Variants in ABR observed in about 807,000 individuals in gnomAD.
The protein encoded by ABR is active breakpoint cluster region-related protein.
In ABR, 35 loss-of-function variants were observed where a neutral mutation model predicts 107.2. That is an observed-to-expected ratio of 0.33 (90% CI 0.25 to 0.43). The LOEUF is 0.43. ABR is among the 20% of genes least tolerant of loss of function. ABR has a pLI of 1.00. For missense variants in ABR, 815 were observed against 1,115.2 expected (o/e 0.73, Z 3.83); for synonymous variants, 498 against 462.0 (o/e 1.08, Z -1.00).
At chr17:1,186,212 G>GTC (rs1468969740) in intron 1 of ABR, among the ~76,000 whole-genome samples, 1 of 152,192 alleles carries the variant, frequency 6.6e-6, no homozygotes, top group African/African-American at 2.4e-5. Flanking sequence ...CCTCCACAGT[G>GTC]TCACCTGTAA....
At chr17:1,123,949 A>C in intron 2 of ABR, among the ~76,000 whole-genome samples, 1 of 151,736 alleles carries the variant, frequency 6.6e-6, no homozygotes, top group Non-Finnish European at 1.5e-5. Flanking sequence ...ACACTGACCA[A>C]CCCCCTCGCC....
chr17:1,048,521 C>T (rs908064682), intron 16 of ABR, among the ~76,000 whole-genome samples: 36 of 152,222 alleles, frequency 2.4e-4, no homozygotes, highest in Non-Finnish European at 1.0e-4. Context: ...GCCATCGCAG[C>T]CTGCGCCTGG....
chr17:1,109,500 G>C (rs1028417272), intron 2 of ABR, among the ~76,000 whole-genome samples: 1 of 152,042 alleles, frequency 6.6e-6, no homozygotes, highest in Non-Finnish European at 1.5e-5. Context: ...CGCGGCTGGC[G>C]GAGGCTTCTG....
At chr17:1,171,835 CAGG>C (rs1477485865) in intron 1 of ABR, among the ~76,000 whole-genome samples, 1 of 152,156 alleles carries the variant, frequency 6.6e-6, no homozygotes, top group Non-Finnish European at 1.5e-5. Flanking sequence ...GAGGCTGAGG[CAGG>C]AGAACTGCTT....
chr17:1,190,005 A>C (rs1319253225), upstream of ABR, among the ~76,000 whole-genome samples: 1 of 152,218 alleles, frequency 6.6e-6, no homozygotes, highest in Non-Finnish European at 1.5e-5. Context: ...GCTGGAAAAG[A>C]ACTGTTTGGC....
chr17:1,196,905 A>G (rs1372808710), intron 1 of ABR, among the ~76,000 whole-genome samples: 1 of 151,872 alleles, frequency 6.6e-6, no homozygotes, highest in Non-Finnish European at 1.5e-5. Flanking sequence ...CGTGTTAGCC[A>G]GGATGGTCTC....
intron 2 of ABR, 129 bp from the exon 3 acceptor site, chr17:1,100,864 C>T: frequency 1.1e-6 from 1 of 871,326 alleles, no homozygotes; most frequent in South Asian, 1.5e-5. Flanking sequence ...CGCTCTGTCA[C>T]CTAGGCTGAA....
chr17:1,078,962 C>CGGACTCCAGCAT lies in ABR; in HGVS notation c.700+356_700+367dup. ...CAGCCACCTTGCTGATGCTGCCGCACGGACTCCAGCATCGGGCAGCCGCTC... is the reference window on the plus strand; with the variant it reads ...CAGCCACCTTGCTGATGCTGCCGCACGGACTCCAGCATGGACTCCAGCATCGGGCAGCCGCTC... On this transcript the variant is annotated intron_variant, in intron 6 of 22. Transcript: ENST00000302538. The surrounding 1 kb of genome is among the most constrained non-coding windows in gnomAD (Gnocchi z 7.5). 6.6e-7 allele frequency: 1 copy of CGGACTCCAGCAT among 1,505,678 alleles called. No homozygotes were observed. The allele number at this position is 1,505,678 out of a possible 1,614,324, so 93.3% of individuals were successfully genotyped here.
At chr17:1,133,711 C>T (rs1413384330) in intron 1 of ABR, among the ~76,000 whole-genome samples, 1 of 152,124 alleles carries the variant, frequency 6.6e-6, no homozygotes, top group East Asian at 1.9e-4. Flanking sequence ...CTGGCAGACA[C>T]CCGACACCCG....
chr17:1,012,624 GGCCCGGGCTGGGGGGGACCCGGGGC>G, intron 18 of ABR, 39 bp downstream of exon 18: 1 of 1,255,538 alleles, frequency 8.0e-7, no homozygotes, highest in Admixed American at 2.0e-5. Flanking sequence ...AGGGCTGGGG[GGCCCGGGCTGGGGGGGACCCGGGGC>G]ACCGACGCCA....
chr17:1,036,098 C>A (rs2073162429), intron 16 of ABR, among the ~76,000 whole-genome samples: 1 of 152,082 alleles, frequency 6.6e-6, no homozygotes, highest in South Asian at 2.1e-4. Flanking sequence ...GCAGCTGCCG[C>A]TTTCCTGGAG....
At chr17:1,220,304 TTTAAAG>T (rs1201343078) in intron 1 of ABR, among the ~76,000 whole-genome samples, 3 of 149,622 alleles carry the variant, frequency 2.0e-5, no homozygotes, top group African/African-American at 7.5e-5. Flanking sequence ...AAAAAAAAAA[TTTAAAG>T]TAATCATTTT....
intron 1 of ABR, among the ~76,000 whole-genome samples, chr17:1,225,699 G>T (rs367710601): frequency 2.1e-4 from 32 of 152,110 alleles, no homozygotes; most frequent in Admixed American, 9.8e-4. Flanking sequence ...AAAATGACCT[G>T]TAGTAGTGGT....
chr17:1,161,443 G>A (rs1160789460), intron 1 of ABR, among the ~76,000 whole-genome samples: 3 of 151,682 alleles, frequency 2.0e-5, no homozygotes, highest in Admixed American at 6.6e-5. Flanking sequence ...ACAGGGTCTT[G>A]ATATGTTGCC....
chr17:1,174,869 G>C (rs75250936), intron 1 of ABR, among the ~76,000 whole-genome samples: 4,454 of 152,098 alleles, frequency 0.029, 238 homozygotes, highest in African/African-American at 0.1. Flanking sequence ...CAGTTGAAGA[G>C]GTGCCAGATG....
intron 1 of ABR, among the ~76,000 whole-genome samples, chr17:1,220,543 G>A (rs957352025): frequency 6.6e-6 from 1 of 152,120 alleles, no homozygotes; most frequent in African/African-American, 2.4e-5. Flanking sequence ...AGGTGGTCAC[G>A]GGGATTTCTG....
intron 16 of ABR, among the ~76,000 whole-genome samples, chr17:1,035,826 G>C (rs1404388559): frequency 6.7e-6 from 1 of 150,174 alleles, no homozygotes; most frequent in African/African-American, 2.5e-5. Context: ...GCTGTCCCCG[G>C]GGAGACGTGG....
chr17:1,132,076 G>A (rs1186475464), intron 1 of ABR, among the ~76,000 whole-genome samples: 1 of 151,794 alleles, frequency 6.6e-6, no homozygotes, highest in Non-Finnish European at 1.5e-5. Context: ...CTCCTTGCTG[G>A]GCGCGGTGGC....
At chr17:1,209,629 C>G (rs768543468) in intron 1 of ABR, among the ~76,000 whole-genome samples, 1 of 151,662 alleles carries the variant, frequency 6.6e-6, no homozygotes, top group African/African-American at 2.4e-5. Context: ...ACTGACCTCT[C>G]GTGGTCATAA....
Sources: gnomAD v4.1 joint callset for allele counts (sites outside exome capture counted in the v4.1 genomes callset) on GRCh38, gnomAD v4.1.1 for gene constraint, Gnocchi (gnomAD v3.1) non-coding constraint, MANE v1.5 for transcripts, NCBI Gene and HGNC (gene_info 2026-07-23, HGNC 2026-07-21) for gene names.